Variants in TMEM94 observed in about 807,000 individuals in gnomAD.
TMEM94 encodes the protein transmembrane protein 94.
TMEM94 carries 81 observed loss-of-function variants against 158.6 expected under a neutral mutation model. That is an observed-to-expected ratio of 0.51 (90% confidence interval 0.43 to 0.61). The LOEUF (loss-of-function observed/expected upper bound fraction) is 0.61, where lower values mean the gene tolerates loss of function less well. TMEM94 is among the 20% of genes least tolerant of loss of function. TMEM94 has a pLI of 0.00. For synonymous variants in TMEM94, 751 were observed against 730.7 expected, an observed-to-expected ratio of 1.03 and a Z score of -0.45; for missense variants, 1,435 against 1,762.0, an observed-to-expected ratio of 0.81 and a Z score of 3.32.
chr17:75,496,228 G>A (rs1465789003), intron 23 of TMEM94, 54 bp from the exon 24 acceptor site: 1 of 1,609,074 alleles, frequency 6.2e-7, no homozygotes. Context: ...AGGGTGGGGT[G>A]CCCAGTCCTG....
chr17:75,499,401 G>T lies in TMEM94; in HGVS notation c.*67G>T. The T allele has an allele frequency of 6.9e-7, 1 of 1,454,318 alleles. No homozygotes were observed. Among genetic ancestry groups the T allele is most frequent in the Non-Finnish European group, 9.6e-7 (1 of 1,039,010 alleles). The allele number at this position is 1,454,318 out of a possible 1,614,324, so 90.1% of individuals were successfully genotyped here. On this transcript the variant is annotated 3_prime_UTR_variant, in exon 32 of 32. Coordinates refer to ENST00000314256, the MANE Select transcript of TMEM94 (RefSeq NM_014738.6). ...CTAAAGCCAGACCCATTTCTGAACA[G>T]GGGAGTTTGTATCATGAATGTTTCC...
chr17:75,461,255 G>A lies in TMEM94; in HGVS notation c.-107+4504G>A, dbSNP rs371834552. 2.2e-4 allele frequency among the ~76,000 whole-genome samples: 34 copies of A among 151,736 alleles called. 1 individual carries two copies. Among genetic ancestry groups the A allele is most frequent in the East Asian group, 1.6e-3 (8 of 5,140 alleles). On this transcript the variant is annotated intron_variant, in intron 1 of 31. Coordinates refer to ENST00000314256, the MANE Select transcript of TMEM94 (RefSeq NM_014738.6). ...GCTGGGAATATAGGTGCACACTACC[G>A]TGCCCGGCTAATTTTTGTATTTTTA... is the stretch of plus-strand genomic sequence containing the variant.
chr17:75,496,456 C>T lies in TMEM94; in HGVS notation c.3228C>T (p.Ile1076=), dbSNP rs1204623203. 7.4e-6 allele frequency: 12 copies of T among 1,612,604 alleles called. No individual in the cohort carries two copies. The highest frequency in any genetic ancestry group is 1.0e-5 in the Non-Finnish European group (12 of 1,179,360). ...TFRQEETISI[I]RLIEQARHAT... is the part of the protein sequence containing the mutation. ...GCCAGGAGGAGACCATCAGCATCAT[C>T]CGGCTTATCGAACAGGTGGGTGCTT... is the stretch of plus-strand genomic sequence containing the variant. The change falls in exon 24 of 32, where the codon ATC becomes ATT. Residue 1076 remains isoleucine (I), a synonymous_variant. Coordinates refer to ENST00000314256, the MANE Select transcript of TMEM94 (RefSeq NM_014738.6).
chr17:75,488,967 G>A, intron 7 of TMEM94, 57 bp downstream of exon 7: 2 of 1,515,532 alleles, frequency 1.3e-6, no homozygotes. Context: ...AGAGGGGAAT[G>A]GGACTGACAA....
rs141765616 is a variant in TMEM94 at position 75,498,319 on chromosome 17, C to T, written c.3634C>T (p.Pro1212Ser). 1,044 of 1,613,028 alleles carry T rather than the reference C, an allele frequency of 6.5e-4. 5 individuals carry two copies. In the Middle Eastern group the frequency reaches 0.012, roughly 18 times the overall value. Reference protein sequence around the residue: ...NLTNCSSVMLPSNDDRAPAWF... With the variant: ...NLTNCSSVMLSSNDDRAPAWF... ...CACCAACTGCTCCTCCGTCATGCTG[C>T]CCAGGTGGGTCCCAGCCCCAGAGAT... Residue 1212 changes from proline to serine, a missense_variant, in exon 28 of 32, where the codon CCC becomes TCC. Pro to Ser is a moderately conservative substitution (Grantham distance 74, BLOSUM62 -1). Transcript: ENST00000314256. This position sits in a 1 kb window ranked among gnomAD's most constrained non-coding sequence, Gnocchi z 6.7.
At position 75,485,616 on chromosome 17, in the gene TMEM94, A is replaced by G. The variant is rs1469498957; in HGVS notation, c.144+69A>G. ...AGGGAAGTGTGGGAGGCCCCTTCTC[A>G]GGACTCTGATGTACCCTGTCACCCT... On this transcript the variant is annotated intron_variant, in intron 3 of 31. Coordinates refer to ENST00000314256, the MANE Select transcript of TMEM94 (RefSeq NM_014738.6). The surrounding 1 kb of genome is among the most constrained non-coding windows in gnomAD (Gnocchi z 5.5). 1 of 1,602,170 alleles carries G rather than the reference A, an allele frequency of 6.2e-7. No individual in the cohort carries two copies. Among genetic ancestry groups the G allele is most frequent in the South Asian group, 1.1e-5 (1 of 90,146 alleles).
Position 75,498,721 on chromosome 17 carries a change from G to A in TMEM94, c.3826G>A (p.Val1276Met). 6.4e-7 allele frequency: 1 copy of A among 1,558,996 alleles called. No homozygotes were observed. The highest frequency in any genetic ancestry group is 2.3e-5 in the East Asian group (1 of 44,422). ...CTGGTGGGCCGTGACAGTGCCTGTG[G>A]TGTGAGTATTGCTAGGATGGAGGGC... ...NLWWAVTVPV[V>M]LLGQVVQTAV... is the part of the protein sequence containing the mutation. Residue 1276 changes from valine to methionine, a missense_variant and splice_region_variant, in exon 30 of 32, where the codon GTG becomes ATG. By Grantham distance (21) the Val-to-Met change is conservative (BLOSUM62 1). Coordinates refer to ENST00000314256, the MANE Select transcript of TMEM94 (RefSeq NM_014738.6). This position sits in a 1 kb window ranked among gnomAD's most constrained non-coding sequence, Gnocchi z 6.7.
intron 1 of TMEM94, among the ~76,000 whole-genome samples, chr17:75,463,055 T>A (rs1321886790): frequency 1.6e-4 from 2 of 12,214 alleles, no homozygotes; most frequent in Non-Finnish European, 1.4e-4. Context: ...TATATATATA[T>A]ATATATATAT....
rs2052259658 is a variant in TMEM94, at chr17:75,492,151, C to A, written c.1596+251C>A. The stretch of plus-strand genomic sequence containing the variant: ...CCTACTGGAACCTTCCAAATATACA[C>A]AGCCCGGAGCTCCCTCTTAGAGATG... On this transcript the variant is annotated intron_variant, in intron 14 of 31. Coordinates refer to ENST00000314256, the MANE Select transcript of TMEM94 (RefSeq NM_014738.6). This position sits in a 1 kb window ranked among gnomAD's most constrained non-coding sequence, Gnocchi z 4.4. The A allele has an allele frequency of 1.1e-6, 1 of 952,036 alleles. No individual in the cohort carries two copies. The highest frequency in any genetic ancestry group is 1.5e-6 in the Non-Finnish European group (1 of 660,468). 59.0% of individuals were successfully genotyped at this position (952,036 alleles called of 1,614,324 possible). A position where few individuals can be genotyped will look rare whatever the true frequency, so the allele number is the denominator to read the frequency against.
intron 10 of TMEM94, 70 bp downstream of exon 10, chr17:75,490,420 G>A (rs942392832): frequency 1.7e-5 from 26 of 1,531,686 alleles, no homozygotes; most frequent in African/African-American, 4.1e-5. Context: ...GCCAGAGGAC[G>A]GGGGCAGAAG....
rs761636732 is a variant in TMEM94 at position 75,471,944 on chromosome 17, A to G, written c.24+15A>G. The G allele has an allele frequency of 8.7e-6, 14 of 1,612,878 alleles. No homozygotes were observed. The highest frequency in any genetic ancestry group is 5.3e-5 in the African/African-American group (4 of 74,840). ...AGAAGCACCTGGTAGGCCATATCCT[A>G]TTACCTTATAGGTATTGTCTGTGTG... On this transcript the variant is annotated intron_variant, in intron 2 of 31. Transcript: ENST00000314256.
chr17:75,489,650 C>T lies in TMEM94; in HGVS notation c.942C>T (p.Leu314=). The change falls in exon 9 of 32, where the codon CTC becomes CTT. Residue 314 remains leucine, a synonymous_variant. Coordinates refer to ENST00000314256, the MANE Select transcript of TMEM94 (RefSeq NM_014738.6). This position sits in a 1 kb window ranked among gnomAD's most constrained non-coding sequence, Gnocchi z 5.0. ...GGGTCACTTCCTGGCAGTACACCCT[C>T]CTCCAGCTCCAGGCAAGGACCACCC... The part of the protein sequence containing the change: ...APGVTSWQYT[L]LQLQVNGVLP... The T allele has an allele frequency of 1.2e-6, 2 of 1,613,678 alleles. No homozygotes were observed. The highest frequency in any genetic ancestry group is 1.1e-5 in the South Asian group (1 of 91,078).
At chr17:75,463,172 G>GTATATATATATA (rs1358230546) in intron 1 of TMEM94, among the ~76,000 whole-genome samples, 3 of 4,502 alleles carry the variant, frequency 6.7e-4, no homozygotes, top group African/African-American at 3.6e-3. Context: ...GTGTGTGTGT[G>GTATATATATATA]TGTGTGTATA....
intron 1 of TMEM94, among the ~76,000 whole-genome samples, chr17:75,462,006 G>GTTTTTTTTTTTTT (rs1319139834): frequency 1.0e-5 from 1 of 100,428 alleles, no homozygotes; most frequent in African/African-American, 4.4e-5. Context: ...GTTTTGTTTT[G>GTTTTTTTTTTTTT]TTTTGTTTTT....
At chr17:75,467,778 C>T (rs1447125212) in intron 1 of TMEM94, among the ~76,000 whole-genome samples, 16 of 151,324 alleles carry the variant, frequency 1.1e-4, no homozygotes, top group Non-Finnish European at 1.9e-4. Context: ...GTGATCCACC[C>T]GCCTCGGCCT....
rs149786367 is a variant in TMEM94, at chr17:75,490,713, C to G, written c.1083C>G (p.Phe361Leu). 2 of 1,613,980 alleles carry G rather than the reference C, an allele frequency of 1.2e-6. No homozygotes were observed. Among genetic ancestry groups the G allele is most frequent in the African/African-American group, 2.7e-5 (2 of 74,920 alleles). The change falls in exon 11 of 32, where the codon TTC (phenylalanine) becomes TTG (leucine). Residue 361 changes from phenylalanine (F) to leucine (L), a missense_variant. Physicochemically the swap from Phe to Leu is conservative, Grantham distance 22. Around this residue, in one of 3 missense-constraint regions of TMEM94, gnomAD observed 1,051 missense variants for 1,254.4 expected, o/e 0.84. Transcript: ENST00000314256. The stretch of plus-strand genomic sequence containing the variant: ...CTCTCTCCGTGCAGCTGGCTAAGTT[C>G]TCAGAGGATACTCTCAGCAGCTATA... ...KASPSSLLAK[F>L]SEDTLSSYTE...
At position 75,489,846 on chromosome 17, in the gene TMEM94, C is replaced by T; in HGVS notation, c.954+184C>T. The T allele has an allele frequency of 1.6e-6, 1 of 620,168 alleles. No individual in the cohort carries two copies. 38.4% of individuals were successfully genotyped at this position (620,168 alleles called of 1,614,324 possible). On this transcript the variant is annotated intron_variant, in intron 9 of 31. Transcript: ENST00000314256. This position sits in a 1 kb window ranked among gnomAD's most constrained non-coding sequence, Gnocchi z 5.0. ...CTGTAATCCAAGCACTTTGGGAGGCCACGGCAGGCAGATCATGAGGTCAAG... is the reference window on the plus strand; with the variant it reads ...CTGTAATCCAAGCACTTTGGGAGGCTACGGCAGGCAGATCATGAGGTCAAG...
rs753883908 is a variant in TMEM94 at position 75,492,669 on chromosome 17, G to A, written c.1792G>A (p.Val598Ile). Residue 598 changes from valine to isoleucine, a missense_variant, in exon 15 of 32, where the codon GTC (valine) becomes ATC (isoleucine). This residue lies in a region of TMEM94 where 1,051 missense variants were observed against 1,254.4 expected (regional missense o/e 0.84). Transcript: ENST00000314256. The surrounding 1 kb of genome is among the most constrained non-coding windows in gnomAD (Gnocchi z 4.4). ...NVLLNLCDAS[V>I]TERLCRFSDH... ...GCTGCTGAACCTGTGTGATGCCAGC[G>A]TCACCGAGCGCCTGTGCCGATTCTC... 9.3e-6 allele frequency: 15 copies of A among 1,613,830 alleles called. No homozygotes were observed. Among genetic ancestry groups the A allele is most frequent in the African/African-American group, 4.0e-5 (3 of 75,032 alleles).
chr17:75,465,004 T>C (rs1025808965), intron 1 of TMEM94, among the ~76,000 whole-genome samples: 1 of 151,838 alleles, frequency 6.6e-6, no homozygotes, highest in African/African-American at 2.4e-5. Context: ...CGGCTCTTTT[T>C]GTTGTTGTTG....
Sources: allele counts gnomAD v4.1 joint callset (sites outside exome capture counted in the v4.1 genomes callset), GRCh38; gene constraint gnomAD v4.1.1; regional missense constraint gnomAD v4.1.1; non-coding constraint Gnocchi (gnomAD v3.1); transcripts MANE v1.5; gene names NCBI Gene and HGNC (gene_info 2026-07-23, HGNC 2026-07-21).